MCM8: variants seen among roughly 807,000 people sequenced by gnomAD.
MCM8 encodes minichromosome maintenance 8 homologous recombination repair factor.
Under a neutral mutation model 98.9 loss-of-function variants are expected in MCM8, and 85 were observed. The ratio of observed to expected loss-of-function variants is 0.86; its 90% CI spans 0.72 to 1.03. The LOEUF (loss-of-function observed/expected upper bound fraction) is 1.03, where lower values mean the gene tolerates loss of function less well. MCM8 is among the 50% of genes least tolerant of loss of function. The pLI, the probability that MCM8 is intolerant of heterozygous loss-of-function variation, is 0.00. For missense variants in MCM8, 951 were observed against 997.8 expected, an observed-to-expected ratio of 0.95 and a Z score of 0.63; for synonymous variants, 352 against 338.6, an observed-to-expected ratio of 1.04 and a Z score of -0.44.
intron 10 of MCM8, among the ~76,000 whole-genome samples, chr20:5,969,466 C>T (rs1403865968): frequency 1.3e-5 from 2 of 151,994 alleles, no homozygotes; most frequent in Non-Finnish European, 2.9e-5. Context: ...ATGGCAGGTG[C>T]CTGTAATCCT....
chr20:5,956,579 A>G (rs893725807), intron 5 of MCM8, among the ~76,000 whole-genome samples: 1 of 152,106 alleles, frequency 6.6e-6, no homozygotes, highest in African/African-American at 2.4e-5. Flanking sequence ...TTTTTAGTAG[A>G]GATGGGGTTT....
rs765188206 is a variant in MCM8, at chr20:5,963,379, C to A, written c.875+20C>A. ...AATCAAGTAAGCGATCAGACTGTTA[C>A]ATAAAAGGCAGGCTTTAGATGTCAC... On this transcript the variant is annotated intron_variant, in intron 8 of 18. Transcript: ENST00000610722. 5 of 1,587,832 alleles carry A rather than the reference C, an allele frequency of 3.1e-6. No homozygotes were observed. The highest frequency in any genetic ancestry group is 4.3e-6 in the Non-Finnish European group (5 of 1,156,792).
At chr20:5,987,185 A>G (rs916610257) in intron 16 of MCM8, 97 bp from the exon 17 acceptor site, 2 of 1,190,096 alleles carry the variant, frequency 1.7e-6, no homozygotes, top group Admixed American at 4.5e-5. Context: ...CCTAAAGGTC[A>G]GTTTTTGTGT....
intron 13 of MCM8, among the ~76,000 whole-genome samples, chr20:5,981,623 G>A (rs1166128462): frequency 1.3e-5 from 2 of 152,114 alleles, no homozygotes; most frequent in African/African-American, 4.8e-5. Context: ...ATACTGTGTC[G>A]GAAGAAATAG....
In MCM8 at chr20:5,968,235, A is replaced by C. The variant is rs143688912; in HGVS notation, c.1223+210A>C. 1.2e-3 allele frequency among the ~76,000 whole-genome samples: 181 copies of C among 152,374 alleles called. 8 individuals carry two copies. In the East Asian group the frequency reaches 0.032, roughly 27 times the overall value. On this transcript the variant is annotated intron_variant, in intron 10 of 18. Coordinates refer to ENST00000610722, the MANE Select transcript of MCM8 (RefSeq NM_032485.6). ...ATAAATTAAAAGAATATTTCACAACACATGAACTTATATGAAATTCAGATT... is the reference window on the plus strand; with the variant it reads ...ATAAATTAAAAGAATATTTCACAACCCATGAACTTATATGAAATTCAGATT...
intron 17 of MCM8, chr20:5,991,618 G>A (rs1271250722): frequency 1.3e-5 from 2 of 152,200 alleles, no homozygotes; most frequent in Admixed American, 6.5e-5. Flanking sequence ...CTGACACTAT[G>A]TTCATGGTAG....
chr20:5,972,835 A>G (rs1428781963), intron 11 of MCM8: 2 of 1,366,120 alleles, frequency 1.5e-6, no homozygotes, highest in African/African-American at 1.5e-5. Flanking sequence ...GCTCTTAGTA[A>G]TTTCTAAGAT....
intron 15 of MCM8, 59 bp downstream of exon 15, chr20:5,985,059 T>G: frequency 7.2e-7 from 1 of 1,392,572 alleles, no homozygotes; most frequent in South Asian, 1.2e-5. Context: ...AAGTTCAGTG[T>G]GTGGCTTATT....
At position 5,951,038 on chromosome 20, in the gene MCM8, C is replaced by G. The variant is rs2088807692; in HGVS notation, c.-6+15C>G. 1 of 152,190 alleles carries G rather than the reference C, an allele frequency of 6.6e-6. No homozygotes were observed. Among genetic ancestry groups the G allele is most frequent in the African/African-American group, 2.4e-5 (1 of 41,440 alleles). The allele number at this position is 152,190 out of a possible 1,614,324, so 9.4% of individuals were successfully genotyped here. ...GTCCCAAGCAAGTAAGAACTTTAGCCTTAGGAGATGTAAATAAAGTAGTAT... is the reference window on the plus strand; with the variant it reads ...GTCCCAAGCAAGTAAGAACTTTAGCGTTAGGAGATGTAAATAAAGTAGTAT... On this transcript the variant is annotated intron_variant, in intron 1 of 18. Coordinates refer to ENST00000610722, the MANE Select transcript of MCM8 (RefSeq NM_032485.6).
At chr20:5,986,900 C>T (rs2122815478) in intron 16 of MCM8, among the ~76,000 whole-genome samples, 1 of 152,302 alleles carries the variant, frequency 6.6e-6, no homozygotes, top group African/African-American at 2.4e-5. Context: ...GATCAAGCCT[C>T]ATTGCAGCCT....
chr20:5,964,935 A>C (rs1329103387), intron 8 of MCM8, among the ~76,000 whole-genome samples: 11 of 152,240 alleles, frequency 7.2e-5, no homozygotes, highest in Non-Finnish European at 1.5e-5. Context: ...TACATTATAC[A>C]TAACTTTAGA....
intron 15 of MCM8, among the ~76,000 whole-genome samples, chr20:5,985,271 C>G (rs1189826561): frequency 4.6e-5 from 7 of 151,708 alleles, no homozygotes; most frequent in African/African-American, 1.7e-4. Flanking sequence ...TGATGAAACC[C>G]CATCTCTACT....
At chr20:5,987,905 C>A (rs73896704) in intron 17 of MCM8, among the ~76,000 whole-genome samples, 1,746 of 152,160 alleles carry the variant, frequency 0.011, 31 homozygotes, top group African/African-American at 0.035. Flanking sequence ...GTGATAAATT[C>A]TCAGAAGCGA....
intron 7 of MCM8, among the ~76,000 whole-genome samples, chr20:5,962,775 T>C (rs945106723): frequency 1.3e-5 from 2 of 152,236 alleles, no homozygotes; most frequent in Non-Finnish European, 2.9e-5. Context: ...TCTGAATTTA[T>C]AAATGCTTCT....
intron 17 of MCM8, among the ~76,000 whole-genome samples, chr20:5,989,120 C>CTTTTTTTTTT (rs1172678780): frequency 0.059 from 7,039 of 119,704 alleles, 1,114 homozygotes; most frequent in African/African-American, 0.17. Context: ...TAGCGCAAGT[C>CTTTTTTTTTT]TTTTTTTTTT....
At position 5,963,338 on chromosome 20, in the gene MCM8, C is replaced by T. The variant is rs143119219; in HGVS notation, c.854C>T (p.Thr285Met). Residue 285 changes from threonine (T) to methionine (M), a missense_variant, in exon 8 of 19, where the codon ACG becomes ATG. By Grantham distance (81) the Thr-to-Met change is moderately conservative. Coordinates refer to ENST00000610722, the MANE Select transcript of MCM8 (RefSeq NM_032485.6). ...TALRSSPLTV[T>M]MDWQSIKIQE... ...CTCCGCAGCTCTCCTCTCACAGTTA[C>T]GATGGACTGGCAGTCAATCAAGTAA... 6.9e-5 allele frequency: 111 copies of T among 1,613,828 alleles called. No individual in the cohort carries two copies. In the African/African-American group the frequency reaches 1.1e-3, roughly 16 times the overall value.
chr20:5,952,554 C>T lies in MCM8; in HGVS notation c.253+26C>T, dbSNP rs941208282. 4 of 1,561,124 alleles carry T rather than the reference C, an allele frequency of 2.6e-6. No homozygotes were observed. The Admixed American group carries it at 5.2e-5, about 20-fold the overall frequency. On this transcript the variant is annotated intron_variant, in intron 3 of 18. Coordinates refer to ENST00000610722, the MANE Select transcript of MCM8 (RefSeq NM_032485.6). The stretch of plus-strand genomic sequence containing the variant: ...GTAGGGTTTAAAAAGTACAAAAAAG[C>T]ACCATAAATCATATTTTCTTAACTT...
intron 3 of MCM8, 84 bp from the exon 4 acceptor site, chr20:5,954,524 T>C: frequency 1.5e-6 from 1 of 682,342 alleles, no homozygotes; most frequent in South Asian, 1.9e-5. Flanking sequence ...TCATCTACCA[T>C]GTATATAGTG....
At chr20:5,955,763 T>A (rs1021574305) in intron 5 of MCM8, among the ~76,000 whole-genome samples, 13 of 152,184 alleles carry the variant, frequency 8.5e-5, no homozygotes, top group Admixed American at 5.2e-4. Context: ...TTTAACTTTT[T>A]AAATTTTTTA....
Sources: gnomAD v4.1 joint callset for allele counts (sites outside exome capture counted in the v4.1 genomes callset) on GRCh38, gnomAD v4.1.1 for gene constraint, MANE v1.5 for transcripts, NCBI Gene and HGNC (gene_info 2026-07-23, HGNC 2026-07-21) for gene names.